TBX18: variants seen among roughly 807,000 people sequenced by gnomAD.
TBX18 encodes T-box transcription factor TBX18.
In TBX18, 21 loss-of-function variants were observed where a neutral mutation model predicts 55.0. The ratio of observed to expected loss-of-function variants is 0.38; its 90% CI spans 0.27 to 0.55. The LOEUF is 0.55. Ranked by LOEUF, TBX18 falls within the 20% of genes least tolerant of loss-of-function variation. TBX18 has a pLI of 0.73. For missense variants in TBX18, 840 were observed against 799.6 expected, an observed-to-expected ratio of 1.05 and a Z score of -0.61; for synonymous variants, 342 against 326.1, an observed-to-expected ratio of 1.05 and a Z score of -0.53.
intron 4 of TBX18, among the ~76,000 whole-genome samples, chr6:84,748,837 T>A (rs919517788): frequency 5.3e-5 from 8 of 152,172 alleles, no homozygotes; most frequent in Non-Finnish European, 1.0e-4. Flanking sequence ...GGGCATCAGA[T>A]TATTTGTAAC....
At chr6:84,753,431 TGAGAA>T (rs1490040907) in intron 4 of TBX18, among the ~76,000 whole-genome samples, 1 of 67,436 alleles carries the variant, frequency 1.5e-5, no homozygotes, top group East Asian at 3.0e-4. Context: ...AACTAGGAAC[TGAGAA>T]GAGAAAAAAA....
intron 6 of TBX18, chr6:84,741,378 A>C (rs951050846): frequency 1.3e-5 from 2 of 152,242 alleles, no homozygotes; most frequent in Non-Finnish European, 2.9e-5. Flanking sequence ...TTTAAAGAGA[A>C]GAAATTTTTG....
At chr6:84,748,680 G>C (rs1034505062) in intron 4 of TBX18, among the ~76,000 whole-genome samples, 2 of 152,158 alleles carry the variant, frequency 1.3e-5, no homozygotes, top group Non-Finnish European at 2.9e-5. Flanking sequence ...TACTCAGACT[G>C]CAGAGAACAG....
intron 2 of TBX18, 84 bp from the exon 3 acceptor site, chr6:84,760,440 T>G (rs571781657): frequency 3.1e-5 from 25 of 803,740 alleles, no homozygotes; most frequent in Middle Eastern, 2.4e-4. Context: ...AGAAACCTCT[T>G]GGATCTCTAT....
intron 2 of TBX18, among the ~76,000 whole-genome samples, chr6:84,761,291 T>C (rs962011527): frequency 2.6e-5 from 4 of 152,194 alleles, no homozygotes; most frequent in Non-Finnish European, 5.9e-5. Context: ...ACCAAATTTT[T>C]TTCTATAACA....
intron 5 of TBX18, 49 bp downstream of exon 5, chr6:84,747,871 T>C: frequency 2.6e-6 from 4 of 1,558,202 alleles, no homozygotes; most frequent in Non-Finnish European, 3.5e-6. Flanking sequence ...ACTTTCTCTC[T>C]TCACCTGAAA....
intron 5 of TBX18, among the ~76,000 whole-genome samples, chr6:84,745,530 T>C (rs1435172742): frequency 2.6e-5 from 4 of 152,126 alleles, no homozygotes; most frequent in Admixed American, 6.6e-5. Context: ...AAGACATATG[T>C]GTTCCATATG....
rs1422004182 is a variant in TBX18, at chr6:84,764,363, A to T, written c.-182T>A. The T allele has an allele frequency of 6.7e-6, 6 of 891,106 alleles. No homozygotes were observed. The highest frequency in any genetic ancestry group is 9.3e-6 in the Non-Finnish European group (6 of 641,940). 55.2% of individuals were successfully genotyped at this position (891,106 alleles called of 1,614,324 possible). ...CGCTTTCTCGCTTGTGTTGGGATCC[A>T]GGAACCGGCGACGCGCCGGCCAAGT... is the stretch of plus-strand genomic sequence containing the variant. On this transcript the variant is annotated 5_prime_UTR_variant, in exon 1 of 8. Transcript: ENST00000369663.
intron 1 of TBX18, chr6:84,763,005 C>T (rs992641669): frequency 2.6e-5 from 15 of 568,266 alleles, no homozygotes; most frequent in Non-Finnish European, 4.7e-5. Flanking sequence ...GCGCGGGCAG[C>T]GTCCACCCCA....
intron 4 of TBX18, among the ~76,000 whole-genome samples, chr6:84,754,572 T>A (rs1030956468): frequency 4.6e-5 from 7 of 152,242 alleles, no homozygotes; most frequent in Non-Finnish European, 7.3e-5. Flanking sequence ...AGTAAAATAT[T>A]ATAATTATTT....
chr6:84,763,125 C>T, intron 1 of TBX18: 2 of 392,966 alleles, frequency 5.1e-6, no homozygotes, highest in South Asian at 4.4e-5. Context: ...GTCCAGAGTC[C>T]CCAGTGCAAA....
rs1303700859 is a variant in TBX18, at chr6:84,761,774, C to A, written c.497+770G>T. On this transcript the variant is annotated intron_variant, in intron 2 of 7. Coordinates refer to ENST00000369663, the MANE Select transcript of TBX18 (RefSeq NM_001080508.3). ...CAACAAATCCATTTATTTTACTAAC[C>A]AATGGATGGGAAAATTTCACACTTT... is the stretch of plus-strand genomic sequence containing the variant. 2.0e-5 allele frequency among the ~76,000 whole-genome samples: 3 copies of A among 152,122 alleles called. No individual in the cohort carries two copies. The East Asian group carries it at 5.8e-4, about 29-fold the overall frequency.
At chr6:84,745,483 T>A (rs1189258153) in intron 5 of TBX18, among the ~76,000 whole-genome samples, 1 of 152,108 alleles carries the variant, frequency 6.6e-6, no homozygotes, top group Non-Finnish European at 1.5e-5. Context: ...CCCCCTACAT[T>A]GCTTGTGCAC....
At chr6:84,738,430 C>T in intron 7 of TBX18, 67 bp downstream of exon 7, 1 of 1,206,180 alleles carries the variant, frequency 8.3e-7, no homozygotes, top group Non-Finnish European at 1.2e-6. Context: ...GACTTGTACA[C>T]TTTTAGTGCC....
Position 84,735,343 on chromosome 6 carries a change from A to G in TBX18, c.*1342T>C, listed in dbSNP as rs1274803412. ...TATTTTAGGAATTAAAAAATTTAATACTGATTTTAATTTCTCCAGTTCTGA... is the reference window on the plus strand; with the variant it reads ...TATTTTAGGAATTAAAAAATTTAATGCTGATTTTAATTTCTCCAGTTCTGA... On this transcript the variant is annotated 3_prime_UTR_variant, in exon 8 of 8. Coordinates refer to ENST00000369663, the MANE Select transcript of TBX18 (RefSeq NM_001080508.3). 1 of 152,204 alleles carries G rather than the reference A, an allele frequency of 6.6e-6. No individual in the cohort carries two copies. Among genetic ancestry groups the G allele is most frequent in the African/African-American group, 2.4e-5 (1 of 41,456 alleles). 9.4% of individuals were successfully genotyped at this position (152,204 alleles called of 1,614,324 possible). A position where few individuals can be genotyped will look rare whatever the true frequency, so the allele number is the denominator to read the frequency against.
chr6:84,740,885 A>ATCTTACTG (rs1381480041), intron 6 of TBX18, among the ~76,000 whole-genome samples: 1 of 152,232 alleles, frequency 6.6e-6, no homozygotes, highest in Non-Finnish European at 1.5e-5. Flanking sequence ...ACAGAGATGT[A>ATCTTACTG]TCTTACTGCA....
intron 1 of TBX18, 143 bp downstream of exon 1, chr6:84,763,747 A>G (rs1767726557): frequency 7.1e-7 from 1 of 1,410,644 alleles, no homozygotes; most frequent in Non-Finnish European, 9.2e-7. Flanking sequence ...TTGCGCGGCG[A>G]GCTTTGCGAC....
At chr6:84,746,889 A>G (rs1767210474) in intron 5 of TBX18, among the ~76,000 whole-genome samples, 1 of 151,272 alleles carries the variant, frequency 6.6e-6, no homozygotes, top group African/African-American at 2.4e-5. Context: ...TATATTATCT[A>G]TGGATCTTTT....
At chr6:84,761,612 T>C (rs922073183) in intron 2 of TBX18, among the ~76,000 whole-genome samples, 1 of 152,238 alleles carries the variant, frequency 6.6e-6, no homozygotes, top group Non-Finnish European at 1.5e-5. Flanking sequence ...CCATGTGTAC[T>C]CCCTGAAAGA....
Sources: allele counts gnomAD v4.1 joint callset (sites outside exome capture counted in the v4.1 genomes callset), GRCh38; gene constraint gnomAD v4.1.1; transcripts MANE v1.5; gene names NCBI Gene and HGNC (gene_info 2026-07-23, HGNC 2026-07-21).